Variants in ITGA8 observed in about 807,000 individuals in gnomAD.
ITGA8 encodes integrin alpha-8.
In ITGA8, 91 loss-of-function variants were observed where a neutral mutation model predicts 142.3. The ratio of observed to expected loss-of-function variants is 0.64; its 90% confidence interval spans 0.54 to 0.76. The LOEUF (loss-of-function observed/expected upper bound fraction) is 0.76. ITGA8 is among the 30% of genes least tolerant of loss of function. The pLI, the probability that ITGA8 is intolerant of heterozygous loss-of-function variation, is 0.00. For synonymous variants in ITGA8, 505 were observed against 485.2 expected (o/e 1.04, Z -0.54); for missense variants, 1,406 against 1,327.7 (o/e 1.06, Z -0.92).
At chr10:15,664,726 C>T (rs1472839417) in intron 8 of ITGA8, among the ~76,000 whole-genome samples, 4 of 146,360 alleles carry the variant, frequency 2.7e-5, no homozygotes, top group African/African-American at 5.0e-5. Context: ...TCCATGTGCT[C>T]TCATTGTTCA....
At chr10:15,694,505 ATC>A in intron 2 of ITGA8, among the ~76,000 whole-genome samples, 1 of 137,414 alleles carries the variant, frequency 7.3e-6, no homozygotes, top group Non-Finnish European at 1.5e-5. Context: ...ATAAAAATGT[ATC>A]TAATATATTA....
Position 15,655,360 on chromosome 10 carries a change from C to A in ITGA8, c.995G>T (p.Ser332Ile). Residue 332 changes from serine (S) to isoleucine (I), a missense_variant, in exon 11 of 30, where the codon AGT becomes ATT. Transcript: ENST00000378076. ...GYTVVVSDVN[S>I]DGLDDVLVGA... ...GAGAGGTCTATAAACTTACCCATCA[C>A]TGTTAACATCTGATACGACAACGGT... The A allele has an allele frequency of 1.3e-6, 2 of 1,594,084 alleles. No individual in the cohort carries two copies. The highest frequency in any genetic ancestry group is 1.7e-6 in the Non-Finnish European group (2 of 1,162,120).
intron 13 of ITGA8, among the ~76,000 whole-genome samples, chr10:15,633,244 T>C (rs952371270): frequency 6.6e-6 from 1 of 152,130 alleles, no homozygotes. Context: ...AAAATTGCCT[T>C]TTTGAAAAAA....
rs80217668 is a variant in ITGA8, at chr10:15,576,243, C to T, written c.2373-649G>A. Among the ~76,000 whole-genome samples, 590 of 152,000 alleles carry T rather than the reference C, an allele frequency of 3.9e-3. 5 individuals are homozygous for T. The highest frequency in any genetic ancestry group is 0.014 in the African/African-American group (569 of 41,454). On this transcript the variant is annotated intron_variant, in intron 23 of 29. Transcript: ENST00000378076. ...TTATAGAGTGGTCTTATAGATATCT[C>T]AAGTGTGAGAGAGAGACAGAGAGTT...
chr10:15,558,639 T>C (rs1833924507), intron 25 of ITGA8, among the ~76,000 whole-genome samples: 1 of 152,150 alleles, frequency 6.6e-6, no homozygotes, highest in South Asian at 2.1e-4. Context: ...GCCAACCTCA[T>C]TTGGGGAAAC....
chr10:15,562,470 G>A (rs1046321355), intron 25 of ITGA8, among the ~76,000 whole-genome samples: 8 of 152,164 alleles, frequency 5.3e-5, no homozygotes, highest in Non-Finnish European at 8.8e-5. Context: ...TTGTAAAAGC[G>A]TGTTTCAAGT....
chr10:15,628,499 A>AT, intron 13 of ITGA8, among the ~76,000 whole-genome samples: 1 of 151,334 alleles, frequency 6.6e-6, no homozygotes, highest in East Asian at 1.9e-4. Context: ...CGCCTGGCTA[A>AT]TTTTTTATAT....
intron 28 of ITGA8, among the ~76,000 whole-genome samples, chr10:15,525,987 A>C (rs1432358080): frequency 2.0e-5 from 3 of 152,194 alleles, no homozygotes; most frequent in Non-Finnish European, 4.4e-5. Flanking sequence ...AACCGTGTTT[A>C]ATGGAAAAAT....
At chr10:15,531,246 A>C (rs1833286334) in intron 27 of ITGA8, 95 bp from the exon 28 acceptor site, 5 of 613,822 alleles carry the variant, frequency 8.1e-6, no homozygotes, top group Non-Finnish European at 1.0e-5. Flanking sequence ...TTTGCATTTC[A>C]AGGCAAAATT....
At chr10:15,676,202 C>T (rs1834627289) in intron 6 of ITGA8, among the ~76,000 whole-genome samples, 1 of 152,186 alleles carries the variant, frequency 6.6e-6, no homozygotes. Context: ...TCCCTCTTCT[C>T]TTCACCTAGG....
intron 10 of ITGA8, among the ~76,000 whole-genome samples, chr10:15,657,189 A>C (rs141479267): frequency 3.5e-4 from 54 of 152,326 alleles, no homozygotes; most frequent in Admixed American, 6.5e-4. Flanking sequence ...GAAGTTATAG[A>C]AAGACTAAAT....
chr10:15,601,244 G>C (rs1833099572), intron 20 of ITGA8, among the ~76,000 whole-genome samples: 1 of 151,376 alleles, frequency 6.6e-6, no homozygotes, highest in Non-Finnish European at 1.5e-5. Context: ...ATAAAAAAAA[G>C]GAAAGAAAAA....
At chr10:15,580,216 A>G (rs1399534454) in intron 23 of ITGA8, among the ~76,000 whole-genome samples, 4 of 151,926 alleles carry the variant, frequency 2.6e-5, no homozygotes, top group Non-Finnish European at 5.9e-5. Context: ...AAATCCTACA[A>G]CTATTAAAAG....
intron 6 of ITGA8, among the ~76,000 whole-genome samples, chr10:15,677,004 T>A (rs1834642380): frequency 6.6e-6 from 1 of 152,142 alleles, no homozygotes; most frequent in African/African-American, 2.4e-5. Context: ...AGTGAAACTC[T>A]GTCTCAGAAA....
chr10:15,629,156 G>A (rs1005527076), intron 13 of ITGA8, among the ~76,000 whole-genome samples: 11 of 151,870 alleles, frequency 7.2e-5, no homozygotes, highest in Admixed American at 2.0e-4. Flanking sequence ...TTAAATCTTG[G>A]GACCCCAAAC....
intron 27 of ITGA8, 115 bp downstream of exon 27, chr10:15,548,340 G>T: frequency 1.4e-6 from 1 of 708,006 alleles, no homozygotes; most frequent in Non-Finnish European, 2.4e-6. Flanking sequence ...TAATCCATCT[G>T]CCTCGGACTT....
At chr10:15,568,578 T>G (rs1834118805) in intron 25 of ITGA8, among the ~76,000 whole-genome samples, 1 of 152,214 alleles carries the variant, frequency 6.6e-6, no homozygotes, top group South Asian at 2.1e-4. Flanking sequence ...TATGTTGTAT[T>G]TGGAGTGCAT....
In ITGA8 at chr10:15,683,995, G is replaced by T. The variant is rs1457941716; in HGVS notation, c.568+9C>A. The T allele has an allele frequency of 1.2e-6, 2 of 1,613,996 alleles. No individual in the cohort carries two copies. Among genetic ancestry groups the T allele is most frequent in the Admixed American group, 3.3e-5 (2 of 59,980 alleles). On this transcript the variant is annotated intron_variant, in intron 4 of 29. Coordinates refer to ENST00000378076, the MANE Select transcript of ITGA8 (RefSeq NM_003638.3). ...CTAATGTCAGTTTCAAGGAATAAAA[G>T]TTGCTTACTGTTCCGGCAAGGAGAG...
At chr10:15,678,273 T>G (rs1383428839) in intron 5 of ITGA8, among the ~76,000 whole-genome samples, 1 of 152,196 alleles carries the variant, frequency 6.6e-6, no homozygotes, top group Admixed American at 6.5e-5. Flanking sequence ...CCACAGAATC[T>G]TTTCCCTCTA....
Sources: gnomAD v4.1 joint callset for allele counts (sites outside exome capture counted in the v4.1 genomes callset) on GRCh38, gnomAD v4.1.1 for gene constraint, MANE v1.5 for transcripts, NCBI Gene and HGNC (gene_info 2026-07-23, HGNC 2026-07-21) for gene names.